The following CYFIP2 variants were observed in gnomAD, a reference collection of about 807,000 sequenced individuals.
CYFIP2 encodes the protein cytoplasmic FMR1-interacting protein 2.
A neutral mutation model predicts 158.7 loss-of-function variants in CYFIP2; 29 were observed. The observed-to-expected ratio is 0.18, with a 90% CI of 0.14 to 0.25. The LOEUF (loss-of-function observed/expected upper bound fraction) is 0.25, where lower values mean the gene tolerates loss of function less well. CYFIP2 is among the 10% of genes least tolerant of loss of function. The pLI is 1.00. For synonymous variants in CYFIP2, 585 were observed against 617.6 expected (o/e 0.95, Z 0.78); for missense variants, 852 against 1,639.5 (o/e 0.52, Z 8.29).
intron 28 of CYFIP2, among the ~76,000 whole-genome samples, chr5:157,386,927 T>TA (rs554742130): frequency 0.025 from 3,256 of 132,406 alleles, 104 homozygotes; most frequent in African/African-American, 0.076. Flanking sequence ...CTCGAAGATT[T>TA]AAAAAAAAAA....
intron 26 of CYFIP2, chr5:157,376,951 G>A: frequency 2.2e-6 from 1 of 454,222 alleles, no homozygotes; most frequent in South Asian, 1.6e-5. Flanking sequence ...CCTGCCTGCA[G>A]CCTTGCTGTT....
In CYFIP2 at chr5:157,394,410, C is replaced by G. The variant is rs1333032083; in HGVS notation, c.*1410C>G. 5 of 152,172 alleles carry G rather than the reference C, an allele frequency of 3.3e-5. No individual in the cohort carries two copies. The highest frequency in any genetic ancestry group is 1.2e-4 in the African/African-American group (5 of 41,422). 9.4% of individuals were successfully genotyped at this position (152,172 alleles called of 1,614,324 possible). On this transcript the variant is annotated 3_prime_UTR_variant, in exon 31 of 31. Transcript: ENST00000620254. ...GATGGTTAGCAATGGTTGCCTTAAT[C>G]AAATGGTCCCATTTTTAACCCCAAA...
intron 23 of CYFIP2, among the ~76,000 whole-genome samples, chr5:157,352,130 A>G (rs1763112914): frequency 6.6e-6 from 1 of 152,246 alleles, no homozygotes; most frequent in Admixed American, 6.5e-5. Flanking sequence ...CTTCCAAGTG[A>G]CATAGATTGC....
At chr5:157,364,205 G>A (rs9687680) in intron 26 of CYFIP2, 1 of 75,000 alleles carries the variant, frequency 1.3e-5, no homozygotes, top group Non-Finnish European at 2.7e-5. Context: ...GCGGGGTGGC[G>A]GGGGGGGGTG....
At chr5:157,336,558 G>A (rs1026598193) in intron 21 of CYFIP2, among the ~76,000 whole-genome samples, 14 of 152,204 alleles carry the variant, frequency 9.2e-5, no homozygotes, top group African/African-American at 2.7e-4. Flanking sequence ...TACTGAGTTT[G>A]AGACCTTTGC....
chr5:157,343,003 G>C (rs760704939), intron 23 of CYFIP2: 1 of 1,614,196 alleles, frequency 6.2e-7, no homozygotes, highest in Admixed American at 1.7e-5. Flanking sequence ...CCACCAGGGG[G>C]AGCCCCTGCA....
Position 157,361,323 on chromosome 5 carries a change from C to A in CYFIP2, c.2909-145C>A. ...GTACTGAGCCCTGAAAGAAATCTCA[C>A]TCTGGGCCTGCAGGTAAGAGGGATG... is the stretch of plus-strand genomic sequence containing the variant. On this transcript the variant is annotated intron_variant, in intron 25 of 30. Coordinates refer to ENST00000620254, the MANE Select transcript of CYFIP2 (RefSeq NM_001037333.3). This position sits in a 1 kb window ranked among gnomAD's most constrained non-coding sequence, Gnocchi z 4.4. 1.0e-6 allele frequency: 1 copy of A among 980,346 alleles called. No homozygotes were observed. Among genetic ancestry groups the A allele is most frequent in the Non-Finnish European group, 1.5e-6 (1 of 665,780 alleles). 60.7% of individuals were successfully genotyped at this position (980,346 alleles called of 1,614,324 possible).
chr5:157,370,090 A>T (rs1296361899), intron 26 of CYFIP2, among the ~76,000 whole-genome samples: 2 of 152,130 alleles, frequency 1.3e-5, no homozygotes, highest in Admixed American at 6.6e-5. Context: ...CCTGTTGGCC[A>T]GGCTGGTCTT....
chr5:157,291,584 C>T (rs999061771), intron 3 of CYFIP2, among the ~76,000 whole-genome samples: 12 of 152,228 alleles, frequency 7.9e-5, no homozygotes, highest in African/African-American at 2.2e-4. Context: ...CAAGTAGACA[C>T]GTGTTCCTTA....
At chr5:157,365,328 G>C (rs1764262435) in intron 26 of CYFIP2, 1 of 152,098 alleles carries the variant, frequency 6.6e-6, no homozygotes, top group South Asian at 2.1e-4. Flanking sequence ...TCCATTTTTT[G>C]TCTTTTTCTG....
chr5:157,286,575 TA>T (rs1173142127), intron 2 of CYFIP2, among the ~76,000 whole-genome samples: 6 of 149,092 alleles, frequency 4.0e-5, no homozygotes, highest in East Asian at 1.9e-4. Flanking sequence ...TATATATATA[TA>T]TATTTAGCCT....
intron 1 of CYFIP2, among the ~76,000 whole-genome samples, chr5:157,272,158 A>G (rs1304109721): frequency 2.0e-5 from 3 of 152,128 alleles, no homozygotes; most frequent in East Asian, 1.9e-4. Flanking sequence ...TTCTCTGTCT[A>G]CTCAGTCTAC....
chr5:157,378,544 C>T (rs1470496633), intron 26 of CYFIP2, among the ~76,000 whole-genome samples: 1 of 152,200 alleles, frequency 6.6e-6, no homozygotes, highest in Non-Finnish European at 1.5e-5. Flanking sequence ...CTTCCCAAGG[C>T]TTTGGCTGCA....
At chr5:157,286,990 C>G (rs775170340) in intron 2 of CYFIP2, 29 bp from the exon 3 acceptor site, 1 of 1,597,310 alleles carries the variant, frequency 6.3e-7, no homozygotes, top group Non-Finnish European at 8.6e-7. Flanking sequence ...TTCTAACAAC[C>G]AAAATGTTCC....
chr5:157,334,988 G>A (rs1474954775), intron 21 of CYFIP2, among the ~76,000 whole-genome samples: 1 of 152,226 alleles, frequency 6.6e-6, no homozygotes, highest in Non-Finnish European at 1.5e-5. Context: ...TGCAGGGTAT[G>A]CTGTTTTTAC....
At chr5:157,313,433 C>T (rs543113448) in intron 11 of CYFIP2, among the ~76,000 whole-genome samples, 2 of 152,288 alleles carry the variant, frequency 1.3e-5, no homozygotes, top group East Asian at 3.9e-4. Context: ...TAGCCCTAAG[C>T]TTGGGGGCCA....
At chr5:157,387,187 G>T (rs768870830) in intron 28 of CYFIP2, among the ~76,000 whole-genome samples, 2 of 152,126 alleles carry the variant, frequency 1.3e-5, no homozygotes, top group Non-Finnish European at 2.9e-5. Flanking sequence ...CATATTTTAA[G>T]AATGCTCATC....
intron 23 of CYFIP2, chr5:157,342,882 G>A (rs1762376977): frequency 1.2e-6 from 2 of 1,613,116 alleles, no homozygotes; most frequent in African/African-American, 1.3e-5. Flanking sequence ...CAATGAGGCA[G>A]TATAGCGGGT....
intron 9 of CYFIP2, 140 bp from the exon 10 acceptor site, chr5:157,309,603 G>A (rs17051932): frequency 0.089 from 63,069 of 705,468 alleles, 4,448 homozygotes; most frequent in East Asian, 0.23. Context: ...AGAGTCACAT[G>A]GTAGCGTCAT....
Sources: gnomAD v4.1 joint callset for allele counts (sites outside exome capture counted in the v4.1 genomes callset) on GRCh38, gnomAD v4.1.1 for gene constraint, Gnocchi (gnomAD v3.1) non-coding constraint, MANE v1.5 for transcripts, NCBI Gene and HGNC (gene_info 2026-07-23, HGNC 2026-07-21) for gene names.